IGFN1: variants seen among roughly 807,000 people sequenced by gnomAD.
The protein encoded by IGFN1 is immunoglobulin-like and fibronectin type III domain-containing protein 1.
A neutral mutation model predicts 289.5 loss-of-function variants in IGFN1; 253 were observed. The ratio of observed to expected loss-of-function variants is 0.87; its 90% CI spans 0.79 to 0.97. The LOEUF (loss-of-function observed/expected upper bound fraction) is 0.97. IGFN1 is among the 50% of genes least tolerant of loss of function. The pLI is 0.00. For synonymous variants in IGFN1, 1,706 were observed against 1,788.5 expected (o/e 0.95, Z 1.16); for missense variants, 4,470 against 4,686.1 (o/e 0.95, Z 1.35).
At position 201,199,378 on chromosome 1, in the gene IGFN1, G is replaced by A. The variant is rs907897476; in HGVS notation, c.412G>A (p.Asp138Asn). The A allele has an allele frequency of 1.3e-6, 2 of 1,551,944 alleles. No individual in the cohort carries two copies. The highest frequency in any genetic ancestry group is 1.2e-5 in the South Asian group (1 of 84,040). The change falls in exon 6 of 24, where the codon GAC (aspartate) becomes AAC (asparagine). Residue 138 changes from aspartate (D) to asparagine (N), a missense_variant and splice_region_variant. By Grantham distance (23) the Asp-to-Asn change is conservative. Transcript: ENST00000335211. ...NRKRHREPQE[D>N]LRKELMDFRK... ...GAAGAGGCACAGGGAACCGCAGGAA[G>A]GTAGGCAGATTTGTCAGAAACCTCC...
Position 201,212,072 on chromosome 1 carries a change from G to A in IGFN1, c.7179G>A (p.Trp2393Ter), listed in dbSNP as rs867114059. 5 of 1,536,264 alleles carry A rather than the reference G, an allele frequency of 3.3e-6. No individual in the cohort carries two copies. In the African/African-American group the frequency reaches 4.1e-5, roughly 13 times the overall value. ...CCATGGGTCACAGGTCAGGATATTG[G>A]GTAGCATCAGAGGGTGACACGAACT... ...HKAMGHRSGY[W>*]VASEGDTNSK... Residue 2393 changes from tryptophan (W) to a stop codon, truncating the protein, a stop_gained, in exon 12 of 24, where the codon TGG becomes TGA. Coordinates refer to ENST00000335211, the MANE Select transcript of IGFN1 (RefSeq NM_001164586.2). LOFTEE classifies it high-confidence loss of function.
intron 23 of IGFN1, among the ~76,000 whole-genome samples, chr1:201,227,685 C>T (rs1207822701): frequency 6.6e-6 from 1 of 152,122 alleles, no homozygotes; most frequent in Non-Finnish European, 1.5e-5. Flanking sequence ...CCGCCTCGGC[C>T]TCCCAAAGAG....
chr1:201,217,197 C>A, intron 16 of IGFN1, 90 bp from the exon 17 acceptor site: 1 of 1,172,670 alleles, frequency 8.5e-7, no homozygotes, highest in Non-Finnish European at 1.2e-6. Flanking sequence ...TGGCCTGTCC[C>A]AGATGCCTGT....
intron 2 of IGFN1, among the ~76,000 whole-genome samples, 163 bp downstream of exon 2, chr1:201,193,463 T>C (rs1666750939): frequency 6.6e-6 from 1 of 152,108 alleles, no homozygotes; most frequent in African/African-American, 2.4e-5. Flanking sequence ...TGTTGTTGGC[T>C]TTTTTTGAGA....
At chr1:201,216,058 G>T in intron 15 of IGFN1, 1 of 718,592 alleles carries the variant, frequency 1.4e-6, no homozygotes. Flanking sequence ...GGAGGAGCCG[G>T]TTATGCTTCT....
chr1:201,207,186 G>A lies in IGFN1; in HGVS notation c.2293G>A (p.Val765Ile). 1.3e-6 allele frequency: 2 copies of A among 1,536,966 alleles called. No homozygotes were observed. Among genetic ancestry groups the A allele is most frequent in the Non-Finnish European group, 1.7e-6 (2 of 1,146,852 alleles). The change falls in exon 12 of 24, where the codon GTA (valine) becomes ATA (isoleucine). Residue 765 changes from valine (V) to isoleucine (I), a missense_variant. Val to Ile is a conservative substitution (Grantham distance 29). Transcript: ENST00000335211. ...AGATGGTATATGCCGGGGGGAGTCT[G>A]TAGTTACAGGAAGTGCCTACAAAAC... is the stretch of plus-strand genomic sequence containing the variant. ...EADGICRGESVVTGSAYKTGP... is the reference protein window; with the variant it reads ...EADGICRGESIVTGSAYKTGP...
rs767647649 is a variant in IGFN1 at position 201,221,549 on chromosome 1, G to T, written c.10004G>T (p.Gly3335Val). ...PDTQEGDEAQ[G>V]YVVELCSSDS... The stretch of plus-strand genomic sequence containing the variant: ...ACCCAGGAAGGGGATGAAGCCCAGG[G>T]GTATGTGGTGGAGCTGTGCAGCTCA... The change falls in exon 19 of 24, where the codon GGG (glycine) becomes GTG (valine). Residue 3335 changes from glycine to valine, a missense_variant. Transcript: ENST00000335211. 3.8e-5 allele frequency: 61 copies of T among 1,614,088 alleles called. No individual in the cohort carries two copies. The South Asian group carries it at 6.6e-4, about 17-fold the overall frequency.
In IGFN1 at chr1:201,228,553, C is replaced by T. The variant is rs553283550; in HGVS notation, c.*154C>T. The T allele has an allele frequency of 1.4e-5, 11 of 789,470 alleles. No individual in the cohort carries two copies. The highest frequency in any genetic ancestry group is 8.0e-5 in the Admixed American group (4 of 50,038). The allele number at this position is 789,470 out of a possible 1,614,324, so 48.9% of individuals were successfully genotyped here. On this transcript the variant is annotated 3_prime_UTR_variant, in exon 24 of 24. Transcript: ENST00000335211. ...CCTGGCGAGGTTTTGGCCAGGAGGA[C>T]GTGAAGTCCTTGGGGAAGAAAAACA... is the stretch of plus-strand genomic sequence containing the variant.
At position 201,215,779 on chromosome 1, in the gene IGFN1, G is replaced by A; in HGVS notation, c.9236G>A (p.Ser3079Asn). 6.2e-7 allele frequency: 1 copy of A among 1,601,800 alleles called. No homozygotes were observed. Among genetic ancestry groups the A allele is most frequent in the Non-Finnish European group, 8.5e-7 (1 of 1,172,884 alleles). The change falls in exon 15 of 24, where the codon AGC (serine) becomes AAC (asparagine). Residue 3079 changes from serine (S) to asparagine (N), a missense_variant. This residue lies in a region of IGFN1 where 2,218 missense variants were observed against 2,114.1 expected (regional missense o/e 1.05). Transcript: ENST00000335211. ...SAGRKDCGQY[S>N]VTLRSEGGSV... ...GGCAGGAAGGACTGTGGCCAGTACA[G>A]CGTGACACTGAGGAGTGAGGGAGGC... is the stretch of plus-strand genomic sequence containing the variant.
rs1280676874 is a variant in IGFN1 at position 201,212,403 on chromosome 1, A to G, written c.7510A>G (p.Arg2504Gly). 8 of 1,536,900 alleles carry G rather than the reference A, an allele frequency of 5.2e-6. No individual in the cohort carries two copies. In the African/African-American group the frequency reaches 9.6e-5, roughly 18 times the overall value. ...CAGTTCTGGGACTCCAGGGTCTTCT[A>G]GAGACAGAGGGGCTCCCAGGGTGAA... ...QDSSGTPGSS[R>G]DRGAPRVKDR... Residue 2504 changes from arginine to glycine, a missense_variant, in exon 12 of 24, where the codon AGA becomes GGA. Around this residue, in one of 8 missense-constraint regions of IGFN1, gnomAD observed 2,218 missense variants for 2,114.1 expected, o/e 1.05. Coordinates refer to ENST00000335211, the MANE Select transcript of IGFN1 (RefSeq NM_001164586.2).
intron 19 of IGFN1, 52 bp downstream of exon 19, chr1:201,221,798 A>G: frequency 6.0e-6 from 9 of 1,492,328 alleles, no homozygotes; most frequent in Non-Finnish European, 7.2e-6. Context: ...CTCTCCTAAG[A>G]GGGGGCCCCT....
At chr1:201,193,209 C>A in intron 1 of IGFN1, 38 bp from the exon 2 acceptor site, 1 of 1,031,502 alleles carries the variant, frequency 9.7e-7, no homozygotes, top group Non-Finnish European at 1.5e-6. Flanking sequence ...GTGAGACCAG[C>A]CTGGATTTCT....
Position 201,213,103 on chromosome 1 carries a change from C to A in IGFN1, c.8210C>A (p.Ala2737Asp). The A allele has an allele frequency of 6.4e-7, 1 of 1,551,604 alleles. No homozygotes were observed. ...CCTGGGGAGTCCGGACCTCAGGGAGCCTGGAATGGCTTAGATGGTCCCTTT... is the reference window on the plus strand; with the variant it reads ...CCTGGGGAGTCCGGACCTCAGGGAGACTGGAATGGCTTAGATGGTCCCTTT... ...PKPGESGPQG[A>D]WNGLDGPFGR... The change falls in exon 12 of 24, where the codon GCC becomes GAC. Residue 2737 changes from alanine to aspartate, a missense_variant. By Grantham distance (126) the Ala-to-Asp change is moderately radical (BLOSUM62 -2). This residue lies in a region of IGFN1 where 2,218 missense variants were observed against 2,114.1 expected (regional missense o/e 1.05). Transcript: ENST00000335211.
At chr1:201,191,183 T>C (rs1031243042) in intron 1 of IGFN1, among the ~76,000 whole-genome samples, 6 of 152,170 alleles carry the variant, frequency 3.9e-5, no homozygotes, top group Non-Finnish European at 8.8e-5. Flanking sequence ...ACTTTGGGTG[T>C]GATACGATGA....
chr1:201,204,497 C>T (rs549412382), intron 10 of IGFN1, among the ~76,000 whole-genome samples: 7 of 151,986 alleles, frequency 4.6e-5, no homozygotes, highest in South Asian at 2.1e-4. Context: ...ACAGACATGT[C>T]GTAAGAACAT....
At chr1:201,194,094 A>G in intron 2 of IGFN1, 60 bp from the exon 3 acceptor site, 1 of 1,536,286 alleles carries the variant, frequency 6.5e-7, no homozygotes, top group South Asian at 1.2e-5. Context: ...ATTCTGTTGA[A>G]GGGCCACCCA....
intron 11 of IGFN1, among the ~76,000 whole-genome samples, chr1:201,205,854 C>T (rs547533206): frequency 1.3e-5 from 2 of 152,282 alleles, no homozygotes; most frequent in East Asian, 3.9e-4. Context: ...AGCAGGGTGG[C>T]CTGCGGGTAT....
At position 201,211,235 on chromosome 1, in the gene IGFN1, G is replaced by C. The variant is rs1488113132; in HGVS notation, c.6342G>C (p.Glu2114Asp). 1.3e-6 allele frequency: 2 copies of C among 1,533,268 alleles called. No individual in the cohort carries two copies. The highest frequency in any genetic ancestry group is 2.8e-5 in the African/African-American group (2 of 72,372). 95.0% of individuals were successfully genotyped at this position (1,533,268 alleles called of 1,614,324 possible). ...ATAGGAAGGATTTGGGGGCTCCTGA[G>C]GGAATAGGTTCAGGAAGTAAGGCAG... ...AGYRKDLGAP[E>D]GIGSGSKAGF... Residue 2114 changes from glutamate (E) to aspartate (D), a missense_variant, in exon 12 of 24, where the codon GAG becomes GAC. By Grantham distance (45) the Glu-to-Asp change is conservative (BLOSUM62 2). Transcript: ENST00000335211.
In IGFN1 at chr1:201,199,356, G is replaced by T; in HGVS notation, c.390G>T (p.Lys130Asn). 6.4e-7 allele frequency: 1 copy of T among 1,552,118 alleles called. No homozygotes were observed. The highest frequency in any genetic ancestry group is 8.7e-7 in the Non-Finnish European group (1 of 1,147,096). Residue 130 changes from lysine to asparagine, a missense_variant, in exon 6 of 24, where the codon AAG becomes AAT. Physicochemically the swap from Lys to Asn is moderately conservative, Grantham distance 94. This residue lies in a region of IGFN1 where 2,011 missense variants were observed against 1,953.4 expected (regional missense o/e 1.03). Coordinates refer to ENST00000335211, the MANE Select transcript of IGFN1 (RefSeq NM_001164586.2). ...VIEVGFRKNR[K>N]RHREPQEDLR... is the part of the protein sequence containing the mutation. ...CAGTTGGCTTTCGGAAGAATCGGAA[G>T]AGGCACAGGGAACCGCAGGAAGGTA...
Sources: allele counts gnomAD v4.1 joint callset (sites outside exome capture counted in the v4.1 genomes callset), GRCh38; gene constraint gnomAD v4.1.1; regional missense constraint gnomAD v4.1.1; transcripts MANE v1.5; gene names NCBI Gene and HGNC (gene_info 2026-07-23, HGNC 2026-07-21).